The following ARHGAP6 variants were observed in gnomAD, a reference collection of about 807,000 sequenced individuals.
ARHGAP6 encodes the protein rho GTPase-activating protein 6.
Under a neutral mutation model 55.7 loss-of-function variants are expected in ARHGAP6, and 16 were observed. That is an observed-to-expected ratio of 0.29 (90% CI 0.19 to 0.44). ARHGAP6 has a LOEUF of 0.44. Among genes scored for constraint, ARHGAP6 ranks in the 20% least tolerant of loss-of-function variants. ARHGAP6 has a pLI of 1.00. For missense variants in ARHGAP6, 698 were observed against 808.9 expected (o/e 0.86, Z 1.66); for synonymous variants, 382 against 360.9 (o/e 1.06, Z -0.66).
chrX:11,304,911 T>C (rs1320333423), intron 1 of ARHGAP6, among the ~76,000 whole-genome samples: 2 of 104,027 alleles, frequency 1.9e-5, no homozygotes, highest in African/African-American at 7.1e-5. Context: ...CTCAGCCTCC[T>C]GAGTAGCTGG....
At chrX:11,272,703 T>C (rs1215756338) in intron 1 of ARHGAP6, among the ~76,000 whole-genome samples, 1 of 111,613 alleles carries the variant, frequency 9.0e-6, no homozygotes, top group African/African-American at 3.3e-5. Flanking sequence ...TCCAAGCACA[T>C]ACATCCATAA....
chrX:11,186,482 C>T, intron 4 of ARHGAP6, 51 bp from the exon 5 acceptor site: 1 of 1,013,658 alleles, frequency 9.9e-7, no homozygotes, highest in Non-Finnish European at 1.4e-6. Flanking sequence ...CCAAAAAACC[C>T]AGCTGCCCCC....
chrX:11,664,560 G>A lies in ARHGAP6; in HGVS notation c.269C>T (p.Ala90Val). Reference protein sequence around the residue: ...ASSSRGPPPRATRLPPPGPLC... With the variant: ...ASSSRGPPPRVTRLPPPGPLC... ...AGGTCCAGGAGGCGGTAGCCTGGTG[G>A]CCCTGGGGGGCGGACCCCGGGAAGA... Residue 90 changes from alanine (A) to valine (V), a missense_variant, in exon 1 of 13, where the codon GCC becomes GTC. Around this residue, in one of 3 missense-constraint regions of ARHGAP6, gnomAD observed 164 missense variants for 149.2 expected, o/e 1.10. Coordinates refer to ENST00000337414, the MANE Select transcript of ARHGAP6 (RefSeq NM_013427.3). 1 of 1,190,295 alleles carries A rather than the reference G, an allele frequency of 8.4e-7. No homozygotes were observed. The highest frequency in any genetic ancestry group is 1.1e-6 in the Non-Finnish European group (1 of 884,283).
intron 1 of ARHGAP6, among the ~76,000 whole-genome samples, chrX:11,450,203 AGTGTGTGT>A (rs34050296): frequency 0.015 from 1,383 of 90,117 alleles, 14 homozygotes; most frequent in African/African-American, 0.051. Flanking sequence ...ACAAATAATA[AGTGTGTGT>A]GTGTGTGTGT....
Position 11,144,080 on chromosome X carries a change from G to GC in ARHGAP6, c.2075dup (p.Ser693LeufsTer68), listed in dbSNP as rs746217048. On this transcript the variant is annotated frameshift_variant, in exon 11 of 13. Transcript: ENST00000337414. LOFTEE classifies it high-confidence loss of function. The stretch of plus-strand genomic sequence containing the variant: ...CTGGCACTCTGTAAAGCTTCTCCGA[G>GC]CCCCCCGGGGCCGCGTCCTCTTGCA... 1 of 1,210,381 alleles carries GC rather than the reference G, an allele frequency of 8.3e-7. No individual in the cohort carries two copies. The highest frequency in any genetic ancestry group is 1.1e-6 in the Non-Finnish European group (1 of 894,885).
chrX:11,541,228 C>G (rs1032383284), intron 1 of ARHGAP6, among the ~76,000 whole-genome samples: 1 of 111,037 alleles, frequency 9.0e-6, no homozygotes, highest in Non-Finnish European at 1.9e-5. Context: ...TGGGCAAGAG[C>G]CTTTATTGTG....
At chrX:11,495,410 G>A (rs769222947) in intron 1 of ARHGAP6, among the ~76,000 whole-genome samples, 6 of 112,108 alleles carry the variant, frequency 5.4e-5, no homozygotes, top group African/African-American at 1.9e-4. Flanking sequence ...CTTCTCCCAG[G>A]AGACTTTTGG....
chrX:11,651,171 G>T (rs751362201), intron 1 of ARHGAP6, among the ~76,000 whole-genome samples: 1 of 111,480 alleles, frequency 9.0e-6, no homozygotes, highest in South Asian at 3.8e-4. Context: ...GGGTACATGT[G>T]CAAGTTTGTT....
At chrX:11,388,057 G>C (rs190916789) in intron 1 of ARHGAP6, among the ~76,000 whole-genome samples, 1 of 111,836 alleles carries the variant, frequency 8.9e-6, no homozygotes, top group African/African-American at 3.3e-5. Flanking sequence ...ATAATCCTTT[G>C]GGTATATACC....
chrX:11,664,149 G>C (rs1015704404), intron 1 of ARHGAP6, 92 bp downstream of exon 1: 1 of 879,684 alleles, frequency 1.1e-6, no homozygotes, highest in African/African-American at 2.0e-5. Flanking sequence ...TGGGTGCCTT[G>C]CTCTGTAAAT....
chrX:11,634,076 ATTT>A (rs35973352), intron 1 of ARHGAP6, among the ~76,000 whole-genome samples: 4 of 90,774 alleles, frequency 4.4e-5, no homozygotes, highest in African/African-American at 8.1e-5. Context: ...GTGCTTGGCT[ATTT>A]TTTTTTTTTT....
Position 11,372,539 on chromosome X carries a change from G to A in ARHGAP6, c.589-117832C>T, listed in dbSNP as rs527550105. Among the ~76,000 whole-genome samples the A allele has an allele frequency of 3.3e-4, 36 of 110,169 alleles. No homozygotes were observed. In the South Asian group the frequency reaches 0.013, roughly 40 times the overall value. On this transcript the variant is annotated intron_variant, in intron 1 of 12. Transcript: ENST00000337414. Reference sequence around the variant, plus strand: ...TGTAATCCCAGCACTTTGGGAGGCCGAGGAGGGTGGATTACGAGGTCAGGA... The same window carrying A: ...TGTAATCCCAGCACTTTGGGAGGCCAAGGAGGGTGGATTACGAGGTCAGGA...
chrX:11,471,424 T>A (rs2050345719), intron 1 of ARHGAP6, among the ~76,000 whole-genome samples: 2 of 112,369 alleles, frequency 1.8e-5, no homozygotes, highest in Non-Finnish European at 3.8e-5. Flanking sequence ...AAGGATTTAA[T>A]TAGAATTGTT....
intron 1 of ARHGAP6, among the ~76,000 whole-genome samples, chrX:11,308,161 T>C (rs1352843470): frequency 8.9e-6 from 1 of 112,480 alleles, no homozygotes; most frequent in Non-Finnish European, 1.9e-5. Context: ...GATTTCACTT[T>C]CTTGGTGTTA....
intron 3 of ARHGAP6, among the ~76,000 whole-genome samples, chrX:11,190,745 C>T (rs2046447784): frequency 9.0e-6 from 1 of 111,179 alleles, no homozygotes; most frequent in African/African-American, 3.3e-5. Context: ...AAGATAGGGA[C>T]TACTGAGCCC....
At chrX:11,656,428 T>G in intron 1 of ARHGAP6, among the ~76,000 whole-genome samples, 1 of 112,150 alleles carries the variant, frequency 8.9e-6, no homozygotes, top group Non-Finnish European at 1.9e-5. Flanking sequence ...ACTGACATAT[T>G]CTCTTACAGT....
chrX:11,250,551 C>T (rs908685595), intron 2 of ARHGAP6, among the ~76,000 whole-genome samples: 2 of 111,419 alleles, frequency 1.8e-5, no homozygotes, highest in African/African-American at 3.3e-5. Flanking sequence ...TCTGGAGGCC[C>T]CTTGGGAAGA....
intron 1 of ARHGAP6, among the ~76,000 whole-genome samples, chrX:11,366,473 T>A (rs990902482): frequency 8.0e-5 from 9 of 112,089 alleles, no homozygotes; most frequent in Admixed American, 4.7e-4. Context: ...CAAGAAATTA[T>A]GGGTAGATAG....
At chrX:11,578,766 A>T (rs1359546342) in intron 1 of ARHGAP6, among the ~76,000 whole-genome samples, 1 of 111,625 alleles carries the variant, frequency 9.0e-6, no homozygotes, top group Non-Finnish European at 1.9e-5. Flanking sequence ...AATAGGAAAG[A>T]CTTGGAACCA....
Sources: gnomAD v4.1 joint callset for allele counts (sites outside exome capture counted in the v4.1 genomes callset) on GRCh38, gnomAD v4.1.1 for gene constraint, gnomAD v4.1.1 regional missense constraint, MANE v1.5 for transcripts, NCBI Gene and HGNC (gene_info 2026-07-23, HGNC 2026-07-21) for gene names.